The following AKAP11 variants were observed in gnomAD, a reference collection of about 807,000 sequenced individuals.
AKAP11 encodes A-kinase anchor protein 11.
AKAP11 carries 36 observed loss-of-function variants against 146.1 expected under a neutral mutation model. That is an observed-to-expected ratio of 0.25 (90% confidence interval 0.19 to 0.33). The LOEUF (loss-of-function observed/expected upper bound fraction) is 0.33, where lower values mean the gene tolerates loss of function less well. Ranked by LOEUF, AKAP11 falls within the 10% of genes least tolerant of loss-of-function variation. The pLI is 1.00. For synonymous variants in AKAP11, 780 were observed against 786.5 expected (o/e 0.99, Z 0.14); for missense variants, 2,201 against 2,197.0 (o/e 1.00, Z -0.04).
intron 1 of AKAP11, among the ~76,000 whole-genome samples, chr13:42,272,900 G>A (rs1566249180): frequency 6.6e-6 from 1 of 152,152 alleles, no homozygotes; most frequent in African/African-American, 2.4e-5. Flanking sequence ...ATATGTAGAT[G>A]TAACCGAAGT....
At chr13:42,316,284 C>T (rs530470846) in intron 11 of AKAP11, among the ~76,000 whole-genome samples, 27 of 152,260 alleles carry the variant, frequency 1.8e-4, no homozygotes, top group African/African-American at 6.0e-4. Flanking sequence ...TGTCAACAAC[C>T]TTCCATTACT....
chr13:42,312,963 A>T, intron 9 of AKAP11, 84 bp from the exon 10 acceptor site: 3 of 1,142,836 alleles, frequency 2.6e-6, no homozygotes, highest in Non-Finnish European at 2.6e-6. Context: ...GCAGTTATCA[A>T]GGACAGAAGC....
Position 42,300,102 on chromosome 13 carries a change from C to G in AKAP11, c.1356C>G (p.Ser452=), listed in dbSNP as rs866144546. 1 of 1,613,830 alleles carries G rather than the reference C, an allele frequency of 6.2e-7. No individual in the cohort carries two copies. Among genetic ancestry groups the G allele is most frequent in the African/African-American group, 1.3e-5 (1 of 74,890 alleles). Residue 452 remains serine, a synonymous_variant, in exon 8 of 13, where the codon TCC becomes TCG. Transcript: ENST00000025301. ...EDSGLFSPIR[S]SAFSPLGGCT... ...GTGGTTTATTTAGTCCTATTCGATC[C>G]TCTGCTTTTAGTCCTCTTGGAGGCT...
At chr13:42,309,838 A>C (rs1179673880) in intron 9 of AKAP11, among the ~76,000 whole-genome samples, 1 of 152,276 alleles carries the variant, frequency 6.6e-6, no homozygotes, top group East Asian at 1.9e-4. Flanking sequence ...TGCCTAGGAA[A>C]TCCTGGCGTT....
chr13:42,291,119 A>G (rs1201160597), intron 3 of AKAP11, among the ~76,000 whole-genome samples: 11 of 152,108 alleles, frequency 7.2e-5, no homozygotes, highest in East Asian at 3.8e-4. Context: ...ATTTATTTTA[A>G]TTTATTAAGA....
At chr13:42,273,114 C>G (rs1958819550) in intron 1 of AKAP11, among the ~76,000 whole-genome samples, 1 of 152,172 alleles carries the variant, frequency 6.6e-6, no homozygotes, top group Non-Finnish European at 1.5e-5. Flanking sequence ...GAGTTAATTC[C>G]TGTTCTCTTT....
chr13:42,296,075 G>A (rs1279597105), intron 5 of AKAP11, among the ~76,000 whole-genome samples: 1 of 152,194 alleles, frequency 6.6e-6, no homozygotes, highest in East Asian at 1.9e-4. Context: ...ATTGGGATCA[G>A]CAAAGGAAAG....
In AKAP11 at chr13:42,320,232, A is replaced by G. The variant is rs4942107; in HGVS notation, c.*1004A>G. On this transcript the variant is annotated 3_prime_UTR_variant, in exon 13 of 13. Coordinates refer to ENST00000025301, the MANE Select transcript of AKAP11 (RefSeq NM_016248.4). ...GAAGCCCAGTAGTTTTTATTGTTGG[A>G]TTTTTGAAAAAACCTCTACCAAGAA... is the stretch of plus-strand genomic sequence containing the variant. The G allele has an allele frequency of 0.37, 56,640 of 151,638 alleles. 11,038 individuals are homozygous for G. Among genetic ancestry groups the G allele is most frequent in the East Asian group, 0.62 (3,239 of 5,194 alleles). 9.4% of individuals were successfully genotyped at this position (151,638 alleles called of 1,614,324 possible). A position where few individuals can be genotyped will look rare whatever the true frequency, so the allele number is the denominator to read the frequency against.
At position 42,302,883 on chromosome 13, in the gene AKAP11, A is replaced by G. The variant is rs1343769884; in HGVS notation, c.4137A>G (p.Gly1379=). ...NRLAYRSVKS[G]LQEAAKTTKV... is the part of the protein sequence containing the mutation. ...TTGCCTACCGATCTGTTAAATCAGG[A>G]TTACAGGAAGCAGCTAAGACAACCA... Residue 1379 remains glycine, a synonymous_variant, in exon 8 of 13, where the codon GGA becomes GGG. Coordinates refer to ENST00000025301, the MANE Select transcript of AKAP11 (RefSeq NM_016248.4). The G allele has an allele frequency of 1.2e-6, 2 of 1,614,072 alleles. No homozygotes were observed. Among genetic ancestry groups the G allele is most frequent in the East Asian group, 4.5e-5 (2 of 44,880 alleles).
chr13:42,299,332 A>G, intron 7 of AKAP11, 31 bp from the exon 8 acceptor site: 2 of 1,552,844 alleles, frequency 1.3e-6, no homozygotes, highest in Non-Finnish European at 1.7e-6. Flanking sequence ...TTGTTCAAAA[A>G]TAATTTCACC....
intron 5 of AKAP11, among the ~76,000 whole-genome samples, chr13:42,296,267 G>A (rs968223306): frequency 6.6e-6 from 1 of 152,126 alleles, no homozygotes; most frequent in African/African-American, 2.4e-5. Flanking sequence ...TGCATATCAG[G>A]TGATTATGGG....
At chr13:42,304,034 A>G (rs1960122558) in intron 8 of AKAP11, among the ~76,000 whole-genome samples, 171 bp downstream of exon 8, 1 of 152,150 alleles carries the variant, frequency 6.6e-6, no homozygotes, top group Non-Finnish European at 1.5e-5. Context: ...ACTTTAATAT[A>G]TTTTGGTCTC....
chr13:42,289,071 T>C (rs1405425869), intron 3 of AKAP11, among the ~76,000 whole-genome samples: 2 of 152,198 alleles, frequency 1.3e-5, no homozygotes, highest in East Asian at 3.8e-4. Context: ...TAATCTGTGA[T>C]GATACTTGGC....
At chr13:42,290,388 A>G (rs1760149534) in intron 3 of AKAP11, among the ~76,000 whole-genome samples, 1 of 152,214 alleles carries the variant, frequency 6.6e-6, no homozygotes, top group African/African-American at 2.4e-5. Flanking sequence ...TAACCACCAG[A>G]TATCTCCAAT....
chr13:42,309,700 G>T (rs1960455141), intron 9 of AKAP11, among the ~76,000 whole-genome samples: 2 of 152,110 alleles, frequency 1.3e-5, no homozygotes, highest in African/African-American at 4.8e-5. Flanking sequence ...GAAGCAAGTG[G>T]GGGCAATGTC....
intron 1 of AKAP11, among the ~76,000 whole-genome samples, chr13:42,284,320 A>G (rs1344188821): frequency 3.3e-5 from 5 of 152,236 alleles, no homozygotes; most frequent in Non-Finnish European, 4.4e-5. Flanking sequence ...GACACGCATT[A>G]CAAAACTGCC....
chr13:42,291,999 A>G (rs1009465415), intron 3 of AKAP11, among the ~76,000 whole-genome samples: 2 of 152,200 alleles, frequency 1.3e-5, no homozygotes, highest in African/African-American at 2.4e-5. Context: ...TGTGCACCTT[A>G]CCATAGCTCC....
At position 42,301,504 on chromosome 13, in the gene AKAP11, C is replaced by T. The variant is rs768704741; in HGVS notation, c.2758C>T (p.His920Tyr). ...SLKEKTPPFS[H>Y]CDQAVLQCSE... ...AAAGGAGAAAACCCCTCCATTTTCC[C>T]ACTGTGATCAGGCAGTGCTGCAATG... The change falls in exon 8 of 13, where the codon CAC (histidine) becomes TAC (tyrosine). Residue 920 changes from histidine (H) to tyrosine (Y), a missense_variant. By Grantham distance (83) the His-to-Tyr change is moderately conservative. Transcript: ENST00000025301. 6.2e-7 allele frequency: 1 copy of T among 1,613,926 alleles called. No homozygotes were observed. Among genetic ancestry groups the T allele is most frequent in the South Asian group, 1.1e-5 (1 of 91,000 alleles).
chr13:42,289,394 A>G (rs1056532292), intron 3 of AKAP11, among the ~76,000 whole-genome samples: 1 of 152,142 alleles, frequency 6.6e-6, no homozygotes, highest in African/African-American at 2.4e-5. Context: ...TTAATTCACT[A>G]ATTTATTTGT....
Sources: allele counts gnomAD v4.1 joint callset (sites outside exome capture counted in the v4.1 genomes callset), GRCh38; gene constraint gnomAD v4.1.1; transcripts MANE v1.5; gene names NCBI Gene and HGNC (gene_info 2026-07-23, HGNC 2026-07-21).